Variants in IGBP1C observed in about 807,000 individuals in gnomAD.
IGBP1C encodes the protein immunoglobulin-binding protein 1 family member C.
the IGBP1C span, among the ~76,000 whole-genome samples, chr17:58,665,773 C>T: frequency 6.6e-6 from 1 of 151,902 alleles, no homozygotes; most frequent in African/African-American, 2.4e-5. Flanking sequence ...AGGCTGGGCG[C>T]GGTGGCTCAC....
the IGBP1C span, among the ~76,000 whole-genome samples, chr17:58,683,371 C>A: frequency 2.1e-5 from 3 of 143,134 alleles, no homozygotes; most frequent in African/African-American, 2.6e-5. Context: ...AGACTCCATC[C>A]CCCCCCCCAA....
At chr17:58,691,181 A>G in the IGBP1C span, among the ~76,000 whole-genome samples, 2 of 152,014 alleles carry the variant, frequency 1.3e-5, no homozygotes, top group African/African-American at 4.8e-5. Flanking sequence ...ATCAGAATTG[A>G]TATTAAACTA....
chr17:58,687,897 A>G, the IGBP1C span, among the ~76,000 whole-genome samples: 2 of 152,130 alleles, frequency 1.3e-5, no homozygotes, highest in African/African-American at 2.4e-5. Context: ...AAAGATCCTG[A>G]TAGATTATAA....
the IGBP1C span, among the ~76,000 whole-genome samples, chr17:58,671,325 C>T: frequency 1.9e-4 from 29 of 152,224 alleles, no homozygotes; most frequent in African/African-American, 6.8e-4. Context: ...CATCCCCTAA[C>T]ATATACACAT....
At chr17:58,691,592 G>A in the IGBP1C span, among the ~76,000 whole-genome samples, 3 of 151,276 alleles carry the variant, frequency 2.0e-5, no homozygotes, top group South Asian at 2.1e-4. Flanking sequence ...ACTTGAACCC[G>A]GGAGGCGAAG....
the IGBP1C span, chr17:58,661,231 C>T: frequency 5.0e-6 from 4 of 794,870 alleles, no homozygotes; most frequent in Non-Finnish European, 7.0e-6. Context: ...CAAACTCGGC[C>T]ACACGATAGT....
chr17:58,679,672 T>C, the IGBP1C span: 5 of 152,206 alleles, frequency 3.3e-5, no homozygotes, highest in Admixed American at 1.3e-4. Context: ...TCATGTTATT[T>C]CCCTTGCCAG....
At chr17:58,686,717 C>T in the IGBP1C span, among the ~76,000 whole-genome samples, 2 of 152,020 alleles carry the variant, frequency 1.3e-5, no homozygotes, top group African/African-American at 4.8e-5. Flanking sequence ...ATTGATACTG[C>T]TAGTATATAT....
At chr17:58,663,763 A>G in the IGBP1C span, among the ~76,000 whole-genome samples, 1 of 152,162 alleles carries the variant, frequency 6.6e-6, no homozygotes, top group Non-Finnish European at 1.5e-5. Flanking sequence ...CCAATGTGCC[A>G]GGCCACTAAA....
At chr17:58,676,150 C>G in the IGBP1C span, among the ~76,000 whole-genome samples, 1 of 152,068 alleles carries the variant, frequency 6.6e-6, no homozygotes, top group African/African-American at 2.4e-5. Flanking sequence ...CTGACGCAGG[C>G]AGATCACCTG....
the IGBP1C span, among the ~76,000 whole-genome samples, chr17:58,681,158 C>T: frequency 6.6e-6 from 1 of 152,068 alleles, no homozygotes; most frequent in Non-Finnish European, 1.5e-5. Flanking sequence ...CACCTGGGTA[C>T]TCGGGAGGCT....
At chr17:58,684,653 A>C in the IGBP1C span, among the ~76,000 whole-genome samples, 1 of 150,278 alleles carries the variant, frequency 6.7e-6, no homozygotes, top group East Asian at 1.9e-4. Flanking sequence ...AAATAAATAA[A>C]TAAATAAATA....
chr17:58,662,393 A>G, the IGBP1C span, among the ~76,000 whole-genome samples: 1 of 147,684 alleles, frequency 6.8e-6, no homozygotes, highest in African/African-American at 2.5e-5. Flanking sequence ...TTATGTGTGT[A>G]CAGATATATA....
chr17:58,686,861 CTTTTTTTTTTTTTTTTTTT>C, the IGBP1C span, among the ~76,000 whole-genome samples: 2 of 71,538 alleles, frequency 2.8e-5, no homozygotes, highest in South Asian at 6.0e-4. Context: ...GAAAGGTCAC[CTTTTTTTTTTTTTTTTTTT>C]TTTTTTTTTT....
the IGBP1C span, among the ~76,000 whole-genome samples, chr17:58,663,750 G>A: frequency 6.6e-6 from 1 of 152,118 alleles, no homozygotes; most frequent in African/African-American, 2.4e-5. Flanking sequence ...TTACAGGCAT[G>A]AGCCAATGTG....
At chr17:58,672,468 C>T in the IGBP1C span, among the ~76,000 whole-genome samples, 1 of 152,238 alleles carries the variant, frequency 6.6e-6, no homozygotes, top group Non-Finnish European at 1.5e-5. Flanking sequence ...GAGTCTCGCT[C>T]TATCACCCAG....
At chr17:58,677,163 T>C in the IGBP1C span, among the ~76,000 whole-genome samples, 2 of 150,372 alleles carry the variant, frequency 1.3e-5, no homozygotes, top group South Asian at 4.2e-4. Context: ...TGGTGGCACA[T>C]GCCTGTACAG....
chr17:58,668,689 C>A, the IGBP1C span, among the ~76,000 whole-genome samples: 2 of 152,048 alleles, frequency 1.3e-5, no homozygotes, highest in Non-Finnish European at 2.9e-5. Context: ...GAGAGGACTT[C>A]TTTTTTTTAT....
chr17:58,683,807 C>T, the IGBP1C span, among the ~76,000 whole-genome samples: 1 of 151,402 alleles, frequency 6.6e-6, no homozygotes, highest in Non-Finnish European at 1.5e-5. Context: ...TGGTTCCCGC[C>T]TGTAATCCCA....
Sources: gnomAD v4.1 joint callset for allele counts (sites outside exome capture counted in the v4.1 genomes callset) on GRCh38, gnomAD v4.1.1 for gene constraint, MANE v1.5 for transcripts, NCBI Gene and HGNC (gene_info 2026-07-23, HGNC 2026-07-21) for gene names.